Variants in SCRG1 observed in about 807,000 individuals in gnomAD.
SCRG1 encodes stimulator of chondrogenesis 1.
In SCRG1, 3 loss-of-function variants were observed where a neutral mutation model predicts 7.7. The ratio of observed to expected loss-of-function variants is 0.39; its 90% CI spans 0.18 to 1.01. SCRG1 has a LOEUF of 1.01. Among genes scored for constraint, SCRG1 ranks in the 50% least tolerant of loss-of-function variants. The pLI is 0.36. For missense variants in SCRG1, 110 were observed against 117.2 expected, an observed-to-expected ratio of 0.94 and a Z score of 0.28; for synonymous variants, 46 against 41.2, an observed-to-expected ratio of 1.12 and a Z score of -0.44.
At chr4:173,426,449 A>G in the SCRG1 span, among the ~76,000 whole-genome samples, 1 of 152,140 alleles carries the variant, frequency 6.6e-6, no homozygotes, top group Non-Finnish European at 1.5e-5. Flanking sequence ...AAAATCTGTG[A>G]TCTAGTCAGC....
chr4:173,434,250 T>C, the SCRG1 span, among the ~76,000 whole-genome samples: 1 of 152,200 alleles, frequency 6.6e-6, no homozygotes, highest in Admixed American at 6.5e-5. Flanking sequence ...ATTTCAAAAA[T>C]TTTACAATAT....
chr4:173,464,553 A>G, the SCRG1 span, among the ~76,000 whole-genome samples: 2 of 152,170 alleles, frequency 1.3e-5, no homozygotes, highest in Non-Finnish European at 2.9e-5. Context: ...ACCTCTTAGG[A>G]TGGTTCTTAT....
the SCRG1 span, among the ~76,000 whole-genome samples, chr4:173,453,048 A>G: frequency 3.3e-5 from 5 of 152,330 alleles, no homozygotes; most frequent in East Asian, 7.7e-4. Flanking sequence ...AGCCATAGCA[A>G]TAGTCACAGT....
the SCRG1 span, among the ~76,000 whole-genome samples, chr4:173,491,364 C>A: frequency 6.6e-6 from 1 of 151,998 alleles, no homozygotes; most frequent in Admixed American, 6.6e-5. Flanking sequence ...GACTAAAAAC[C>A]AAGGGCAGTT....
the SCRG1 span, among the ~76,000 whole-genome samples, chr4:173,464,971 A>T: frequency 6.6e-6 from 1 of 152,228 alleles, no homozygotes; most frequent in Non-Finnish European, 1.5e-5. Flanking sequence ...ACATTATGTT[A>T]AGTGAAATAA....
At chr4:173,497,826 ACGCCCGGCTAGTTTT>A in the SCRG1 span, among the ~76,000 whole-genome samples, 3 of 151,512 alleles carry the variant, frequency 2.0e-5, no homozygotes, top group African/African-American at 7.3e-5. Context: ...ACCCACCACC[ACGCCCGGCTAGTTTT>A]CTTTTTTTCT....
At chr4:173,425,132 T>A in the SCRG1 span, among the ~76,000 whole-genome samples, 9 of 152,216 alleles carry the variant, frequency 5.9e-5, no homozygotes, top group Admixed American at 3.3e-4. Context: ...AATACTTTCA[T>A]GGTTCTGTAA....
intron 1 of SCRG1, among the ~76,000 whole-genome samples, chr4:173,405,038 TAACTA>T (rs1351879946): frequency 2.6e-5 from 4 of 152,222 alleles, no homozygotes; most frequent in Non-Finnish European, 5.9e-5. Context: ...ACATTATTAT[TAACTA>T]AAGTTCATAC....
At chr4:173,485,017 AT>A in the SCRG1 span, among the ~76,000 whole-genome samples, 3 of 27,374 alleles carry the variant, frequency 1.1e-4, 1 homozygote, top group African/African-American at 4.2e-4. Flanking sequence ...ATAATATATA[AT>A]ATATAATATA....
the SCRG1 span, among the ~76,000 whole-genome samples, chr4:173,502,724 A>C: frequency 1.3e-5 from 2 of 152,082 alleles, no homozygotes; most frequent in Non-Finnish European, 2.9e-5. The surrounding 1 kb of genome is among the most constrained non-coding windows in gnomAD (Gnocchi z 4.6). Flanking sequence ...CAAAATGGGG[A>C]ATCCAGGCTG....
the SCRG1 span, among the ~76,000 whole-genome samples, chr4:173,475,275 A>G: frequency 6.6e-6 from 1 of 152,150 alleles, no homozygotes; most frequent in African/African-American, 2.4e-5. Context: ...GGACATTTGG[A>G]ATTGTGTTGT....
At chr4:173,450,214 G>A in the SCRG1 span, among the ~76,000 whole-genome samples, 3 of 152,176 alleles carry the variant, frequency 2.0e-5, no homozygotes. Flanking sequence ...CAGATCTCAT[G>A]AGAACTTGCT....
chr4:173,440,627 G>A, the SCRG1 span, among the ~76,000 whole-genome samples: 2 of 152,202 alleles, frequency 1.3e-5, no homozygotes, highest in African/African-American at 4.8e-5. Context: ...GTGGATGTAA[G>A]AGGAGAGGGC....
chr4:173,505,837 G>T, the SCRG1 span, among the ~76,000 whole-genome samples: 15 of 152,254 alleles, frequency 9.9e-5, no homozygotes, highest in South Asian at 3.1e-3. This position sits in a 1 kb window ranked among gnomAD's most constrained non-coding sequence, Gnocchi z 4.4. Context: ...TGCTTTCAAA[G>T]GTTAACACGT....
the SCRG1 span, among the ~76,000 whole-genome samples, chr4:173,488,024 C>T: frequency 6.6e-6 from 1 of 151,762 alleles, no homozygotes; most frequent in African/African-American, 2.4e-5. Flanking sequence ...TCGCTTGAGC[C>T]CCAGAGGCAG....
At chr4:173,490,283 C>T in the SCRG1 span, among the ~76,000 whole-genome samples, 2 of 152,152 alleles carry the variant, frequency 1.3e-5, no homozygotes, top group South Asian at 4.1e-4. Flanking sequence ...TAAAACAAAA[C>T]CTATTCTTTT....
At chr4:173,435,361 G>A in the SCRG1 span, among the ~76,000 whole-genome samples, 3 of 152,192 alleles carry the variant, frequency 2.0e-5, no homozygotes, top group Non-Finnish European at 4.4e-5. Context: ...AGCCAGTCAT[G>A]AATCCTCAGA....
At chr4:173,515,237 G>A in the SCRG1 span, among the ~76,000 whole-genome samples, 6 of 152,268 alleles carry the variant, frequency 3.9e-5, no homozygotes, top group East Asian at 1.2e-3. This position sits in a 1 kb window ranked among gnomAD's most constrained non-coding sequence, Gnocchi z 4.6. Flanking sequence ...GGGATAGAAA[G>A]TAAAATTATT....
the SCRG1 span, among the ~76,000 whole-genome samples, chr4:173,427,787 T>C: frequency 6.6e-6 from 1 of 152,218 alleles, no homozygotes; most frequent in African/African-American, 2.4e-5. Flanking sequence ...CATATGTTTT[T>C]GCTGGGGACA....
Sources: allele counts gnomAD v4.1 joint callset (sites outside exome capture counted in the v4.1 genomes callset), GRCh38; gene constraint gnomAD v4.1.1; non-coding constraint Gnocchi (gnomAD v3.1); transcripts MANE v1.5; gene names NCBI Gene and HGNC (gene_info 2026-07-23, HGNC 2026-07-21).